The following GRIN2A variants were observed in gnomAD, a reference collection of about 807,000 sequenced individuals.
The protein encoded by GRIN2A is glutamate ionotropic receptor NMDA type subunit 2A, also known as glutamate receptor ionotropic, NMDA 2A.
A neutral mutation model predicts 113.4 loss-of-function variants in GRIN2A; 22 were observed. That is an observed-to-expected ratio of 0.19 (90% CI 0.14 to 0.28). GRIN2A has a LOEUF of 0.28. GRIN2A is among the 10% of genes least tolerant of loss of function. The pLI, the probability that GRIN2A is intolerant of heterozygous loss-of-function variation, is 1.00. For synonymous variants in GRIN2A, 827 were observed against 738.4 expected, an observed-to-expected ratio of 1.12 and a Z score of -1.94; for missense variants, 1,502 against 1,887.0, an observed-to-expected ratio of 0.80 and a Z score of 3.78.
chr16:9,862,047 T>G (rs2043078219), intron 4 of GRIN2A, among the ~76,000 whole-genome samples: 1 of 152,192 alleles, frequency 6.6e-6, no homozygotes, highest in South Asian at 2.1e-4. Flanking sequence ...GGATCCTGAC[T>G]TTTCAACCAG....
intron 3 of GRIN2A, among the ~76,000 whole-genome samples, chr16:9,912,127 G>A (rs551589395): frequency 1.3e-5 from 2 of 152,088 alleles, no homozygotes; most frequent in South Asian, 2.1e-4. Flanking sequence ...TGGTGGTGAT[G>A]GTAATGACGA....
intron 2 of GRIN2A, among the ~76,000 whole-genome samples, chr16:9,980,360 G>C (rs1296917180): frequency 6.6e-6 from 1 of 152,074 alleles, no homozygotes; most frequent in Non-Finnish European, 1.5e-5. Flanking sequence ...AGGATGTGGA[G>C]AAATAGGAAC....
intron 2 of GRIN2A, among the ~76,000 whole-genome samples, chr16:10,120,362 TGTCCATA>T (rs1415030597): frequency 1.3e-5 from 2 of 152,210 alleles, no homozygotes; most frequent in East Asian, 3.9e-4. Flanking sequence ...CTGCTCAAAA[TGTCCATA>T]GTGCCAAGGT....
At chr16:9,939,875 G>C (rs2044820516) in intron 2 of GRIN2A, among the ~76,000 whole-genome samples, 1 of 152,146 alleles carries the variant, frequency 6.6e-6, no homozygotes, top group Non-Finnish European at 1.5e-5. Flanking sequence ...GATTTGAGAA[G>C]TGCTGAGATG....
intron 11 of GRIN2A, among the ~76,000 whole-genome samples, chr16:9,793,301 G>A (rs1386651634): frequency 3.3e-5 from 5 of 152,014 alleles, no homozygotes; most frequent in South Asian, 4.2e-4. Flanking sequence ...AGGCATTCTT[G>A]TTCTTCTCAG....
At chr16:10,165,604 G>A (rs1414468726) in intron 2 of GRIN2A, among the ~76,000 whole-genome samples, 3 of 144,810 alleles carry the variant, frequency 2.1e-5, no homozygotes, top group African/African-American at 7.7e-5. Flanking sequence ...CCAGCAGTGG[G>A]TCCATGATAA....
chr16:10,132,653 G>A (rs1596539374), intron 2 of GRIN2A, among the ~76,000 whole-genome samples: 1 of 152,208 alleles, frequency 6.6e-6, no homozygotes, highest in Admixed American at 6.5e-5. Flanking sequence ...TTTTAAGCAA[G>A]CTATCTGAAC....
chr16:9,867,438 C>T (rs914144418), intron 4 of GRIN2A, among the ~76,000 whole-genome samples: 2 of 152,160 alleles, frequency 1.3e-5, no homozygotes, highest in African/African-American at 4.8e-5. Context: ...CACCCACAAA[C>T]TCACCTGCCT....
At chr16:9,863,134 A>T (rs1476176695) in intron 4 of GRIN2A, among the ~76,000 whole-genome samples, 1 of 152,204 alleles carries the variant, frequency 6.6e-6, no homozygotes, top group African/African-American at 2.4e-5. Flanking sequence ...CCACTGCCTG[A>T]TATTTCCAAG....
intron 11 of GRIN2A, among the ~76,000 whole-genome samples, chr16:9,784,285 C>G (rs773314946): frequency 6.6e-6 from 1 of 151,894 alleles, no homozygotes; most frequent in Non-Finnish European, 1.5e-5. Context: ...CAAAAATTAG[C>G]CAGGCGTGGT....
At chr16:10,030,665 A>G (rs1478422725) in intron 2 of GRIN2A, among the ~76,000 whole-genome samples, 1 of 152,208 alleles carries the variant, frequency 6.6e-6, no homozygotes, top group Non-Finnish European at 1.5e-5. Context: ...TTGATGAGTT[A>G]TAAAGGGGTC....
rs1012323097 is a variant in GRIN2A at position 10,081,306 on chromosome 16, C to G, written c.414+98692G>C. The stretch of plus-strand genomic sequence containing the variant: ...TTGCCTGGTTTCCTTTGTTCTCAAA[C>G]TCTGCCTGGAGATGAAGCTATTGCG... On this transcript the variant is annotated intron_variant, in intron 2 of 12. Coordinates refer to ENST00000330684, the MANE Select transcript of GRIN2A (RefSeq NM_001134407.3). Among the ~76,000 whole-genome samples the G allele has an allele frequency of 2.0e-5, 3 of 152,206 alleles. No individual in the cohort carries two copies. In the East Asian group the frequency reaches 5.8e-4, roughly 29 times the overall value.
rs2141125794 is a variant in GRIN2A, at chr16:9,763,362, C to T, written c.4182G>A (p.Gln1394=). ...SDPYKHSLPS[Q]AVNDSYLRSS... is the part of the protein sequence containing the mutation. ...ACCGAAGATAGCTGTCATTCACCGC[C>T]TGGGATGGCAACGAGTGTTTGTAAG... is the stretch of plus-strand genomic sequence containing the variant. The change falls in exon 13 of 13, where the codon CAG becomes CAA. Residue 1394 remains glutamine (Q), a synonymous_variant. Transcript: ENST00000330684. 6.2e-7 allele frequency: 1 copy of T among 1,614,154 alleles called. No homozygotes were observed. The highest frequency in any genetic ancestry group is 8.5e-7 in the Non-Finnish European group (1 of 1,180,018).
chr16:9,929,298 T>C (rs972924912), intron 3 of GRIN2A, among the ~76,000 whole-genome samples: 1 of 152,336 alleles, frequency 6.6e-6, no homozygotes, highest in East Asian at 1.9e-4. Context: ...CTCAAAAGTA[T>C]GTCTAATTTA....
intron 11 of GRIN2A, among the ~76,000 whole-genome samples, chr16:9,769,649 G>T (rs915018118): frequency 5.3e-5 from 8 of 151,882 alleles, no homozygotes; most frequent in Non-Finnish European, 1.2e-4. Flanking sequence ...TATCCTGTCT[G>T]TGAAATAGGC....
At chr16:10,126,634 C>G (rs937671619) in intron 2 of GRIN2A, among the ~76,000 whole-genome samples, 2 of 152,004 alleles carry the variant, frequency 1.3e-5, no homozygotes, top group Non-Finnish European at 2.9e-5. Context: ...CATCTTTGTG[C>G]GTTAAAGATA....
At chr16:10,119,384 AGTTG>A (rs2048789350) in intron 2 of GRIN2A, among the ~76,000 whole-genome samples, 1 of 139,444 alleles carries the variant, frequency 7.2e-6, no homozygotes, top group Admixed American at 7.7e-5. Context: ...TTATTTGATG[AGTTG>A]TTTTCATGCT....
chr16:9,869,044 G>C (rs555119366), intron 4 of GRIN2A, among the ~76,000 whole-genome samples: 8 of 152,296 alleles, frequency 5.3e-5, no homozygotes, highest in African/African-American at 1.7e-4. Flanking sequence ...GTCTGCCCCA[G>C]TGGACTCATT....
chr16:10,021,060 A>G (rs1219786150), intron 2 of GRIN2A, among the ~76,000 whole-genome samples: 4 of 152,182 alleles, frequency 2.6e-5, no homozygotes, highest in Admixed American at 6.5e-5. Context: ...AATTGGCTGC[A>G]ATTCAGCAGA....
Sources: allele counts gnomAD v4.1 joint callset (sites outside exome capture counted in the v4.1 genomes callset), GRCh38; gene constraint gnomAD v4.1.1; transcripts MANE v1.5; gene names NCBI Gene and HGNC (gene_info 2026-07-23, HGNC 2026-07-21).